Variants in ARL6 observed in about 807,000 individuals in gnomAD.
ARL6 encodes the protein ADP-ribosylation factor-like protein 6.
In ARL6, 18 loss-of-function variants were observed where a neutral mutation model predicts 27.1. That is an observed-to-expected ratio of 0.66 (90% confidence interval 0.46 to 0.98). ARL6 has a LOEUF of 0.98. ARL6 is among the 50% of genes least tolerant of loss of function. ARL6 has a pLI of 0.00. For synonymous variants in ARL6, 65 were observed against 72.3 expected (o/e 0.90, Z 0.51); for missense variants, 187 against 214.9 (o/e 0.87, Z 0.81).
Position 97,774,266 on chromosome 3 carries a change from T to C in ARL6, c.124-5893T>C, listed in dbSNP as rs142966820. Among the ~76,000 whole-genome samples the C allele has an allele frequency of 8.5e-5, 13 of 152,328 alleles. No individual in the cohort carries two copies. In the East Asian group the frequency reaches 2.5e-3, roughly 29 times the overall value. ...GTGCACCACCTCATGGATCACACTC[T>C]CAACCTTACCTCTGGGGCCCCCCCA... is the stretch of plus-strand genomic sequence containing the variant. On this transcript the variant is annotated intron_variant, in intron 2 of 7. Transcript: ENST00000463745.
At chr3:97,766,987 G>A (rs1047190501) in intron 1 of ARL6, among the ~76,000 whole-genome samples, 16 of 152,098 alleles carry the variant, frequency 1.1e-4, no homozygotes, top group African/African-American at 3.6e-4. Context: ...TTAGTTTGGA[G>A]ACCTGAAGTG....
intron 5 of ARL6, among the ~76,000 whole-genome samples, chr3:97,787,321 T>A (rs1286434337): frequency 6.6e-6 from 1 of 152,164 alleles, no homozygotes; most frequent in Admixed American, 6.5e-5. Flanking sequence ...GTTGGCCTGC[T>A]ATATGAAAAT....
At chr3:97,769,064 A>G (rs185172118) in intron 2 of ARL6, among the ~76,000 whole-genome samples, 233 of 152,216 alleles carry the variant, frequency 1.5e-3, no homozygotes, top group Non-Finnish European at 2.5e-3. Flanking sequence ...AAGTACAGAA[A>G]TGTACAATGC....
At position 97,799,051 on chromosome 3, in the gene ARL6, G is replaced by A. The variant is rs1019441668; in HGVS notation, c.*1002G>A. The A allele has an allele frequency of 1.1e-4, 16 of 151,958 alleles. No homozygotes were observed. The highest frequency in any genetic ancestry group is 3.6e-4 in the African/African-American group (15 of 41,406). 9.4% of individuals were successfully genotyped at this position (151,958 alleles called of 1,614,324 possible). ...AAATTATTAGTTCTCACAAATTAGA[G>A]AACACTTATAATTGTGAACTCTAAA... is the stretch of plus-strand genomic sequence containing the variant. On this transcript the variant is annotated 3_prime_UTR_variant, in exon 8 of 8. Transcript: ENST00000463745.
At chr3:97,766,811 TA>T (rs1435438975) in intron 1 of ARL6, 1 of 152,140 alleles carries the variant, frequency 6.6e-6, no homozygotes, top group Non-Finnish European at 1.5e-5. Context: ...ATAAAAACAT[TA>T]GAGAACTAAT....
At chr3:97,769,519 T>G (rs2036543704) in intron 2 of ARL6, among the ~76,000 whole-genome samples, 1 of 152,130 alleles carries the variant, frequency 6.6e-6, no homozygotes, top group African/African-American at 2.4e-5. Context: ...CCTCAAAAAT[T>G]TATCTTTTTT....
chr3:97,766,616 T>C (rs750781269), intron 1 of ARL6: 1 of 152,258 alleles, frequency 6.6e-6, no homozygotes, highest in Non-Finnish European at 1.5e-5. Context: ...ATGTTGACTA[T>C]GCAACCTCCT....
intron 1 of ARL6, among the ~76,000 whole-genome samples, chr3:97,766,430 T>G (rs765754550): frequency 1.1e-4 from 17 of 152,206 alleles, no homozygotes; most frequent in Admixed American, 2.0e-4. Context: ...AAAAGCAGAT[T>G]GAAGTGGCAC....
At chr3:97,781,302 C>T (rs1023206019) in intron 4 of ARL6, among the ~76,000 whole-genome samples, 1 of 144,784 alleles carries the variant, frequency 6.9e-6, no homozygotes, top group Non-Finnish European at 1.5e-5. Flanking sequence ...ATATGCAAGT[C>T]AAGTGCTCAC....
chr3:97,768,022 C>A, intron 1 of ARL6, 59 bp from the exon 2 acceptor site: 1 of 1,442,556 alleles, frequency 6.9e-7, no homozygotes, highest in Non-Finnish European at 9.7e-7. Context: ...ATACACCTAC[C>A]AATATTTTCC....
intron 2 of ARL6, 35 bp downstream of exon 2, chr3:97,768,265 T>C: frequency 6.2e-7 from 1 of 1,603,966 alleles, no homozygotes; most frequent in Non-Finnish European, 8.5e-7. Flanking sequence ...ATGTATTTTC[T>C]GCTACTAAAG....
chr3:97,786,631 T>C (rs995719726), intron 5 of ARL6, among the ~76,000 whole-genome samples: 4 of 152,030 alleles, frequency 2.6e-5, no homozygotes, highest in African/African-American at 9.7e-5. Flanking sequence ...TTGATGGCCA[T>C]AAAAAATCTT....
intron 6 of ARL6, among the ~76,000 whole-genome samples, chr3:97,788,894 A>G (rs1391301421): frequency 6.6e-6 from 1 of 151,976 alleles, no homozygotes; most frequent in African/African-American, 2.4e-5. Context: ...ACTCCCTTCT[A>G]CCCACCCACC....
chr3:97,775,505 A>G (rs1188214207), intron 2 of ARL6, among the ~76,000 whole-genome samples: 1 of 152,020 alleles, frequency 6.6e-6, no homozygotes, highest in Non-Finnish European at 1.5e-5. Flanking sequence ...CTGGCAGCTG[A>G]TTAGATTGTT....
intron 2 of ARL6, among the ~76,000 whole-genome samples, chr3:97,774,504 G>C (rs2036800593): frequency 6.6e-6 from 1 of 152,078 alleles, no homozygotes; most frequent in East Asian, 1.9e-4. Context: ...GCATGGGTGG[G>C]GGAGGGGATG....
intron 7 of ARL6, among the ~76,000 whole-genome samples, chr3:97,794,148 G>C (rs2037877800): frequency 6.6e-6 from 1 of 151,160 alleles, no homozygotes; most frequent in East Asian, 1.9e-4. Context: ...GTTTCAAATA[G>C]GAGGTGCTTT....
chr3:97,787,852 G>T, intron 5 of ARL6, 138 bp from the exon 6 acceptor site: 1 of 839,146 alleles, frequency 1.2e-6, no homozygotes, highest in South Asian at 1.6e-5. Context: ...GTGACAGTAT[G>T]TGTCTTTAAA....
At position 97,796,579 on chromosome 3, in the gene ARL6, A is replaced by G. The variant is rs1213409674; in HGVS notation, c.536-1445A>G. On this transcript the variant is annotated intron_variant, in intron 7 of 7. Coordinates refer to ENST00000463745, the MANE Select transcript of ARL6 (RefSeq NM_001278293.3). The stretch of plus-strand genomic sequence containing the variant: ...TCCTCGAACAGTATTTTCTAGAACT[A>G]AATTGATGAGTTTTCAGTTGACAGG... Among the ~76,000 whole-genome samples the G allele has an allele frequency of 3.3e-5, 5 of 152,176 alleles. No homozygotes were observed. In the East Asian group the frequency reaches 9.6e-4, roughly 29 times the overall value.
chr3:97,767,769 C>T (rs2036453774), intron 1 of ARL6, among the ~76,000 whole-genome samples: 3 of 152,084 alleles, frequency 2.0e-5, no homozygotes, highest in Admixed American at 2.0e-4. Flanking sequence ...TATCACAATT[C>T]GCAGACTCCA....
Sources: allele counts gnomAD v4.1 joint callset (sites outside exome capture counted in the v4.1 genomes callset), GRCh38; gene constraint gnomAD v4.1.1; transcripts MANE v1.5; gene names NCBI Gene and HGNC (gene_info 2026-07-23, HGNC 2026-07-21).